The following TMPRSS11D variants were observed in gnomAD, a reference collection of about 807,000 sequenced individuals.
The protein encoded by TMPRSS11D is transmembrane serine protease 11D.
A neutral mutation model predicts 44.4 loss-of-function variants in TMPRSS11D; 32 were observed. That is an observed-to-expected ratio of 0.72 (90% CI 0.54 to 0.97). The LOEUF (loss-of-function observed/expected upper bound fraction) is 0.97, where lower values mean the gene tolerates loss of function less well. Among genes scored for constraint, TMPRSS11D ranks in the 50% least tolerant of loss-of-function variants. TMPRSS11D has a pLI of 0.00. For synonymous variants in TMPRSS11D, 179 were observed against 177.9 expected (o/e 1.01, Z -0.05); for missense variants, 446 against 502.6 (o/e 0.89, Z 1.08).
intron 2 of TMPRSS11D, 33 bp from the exon 3 acceptor site, chr4:67,854,219 A>G (rs1415664490): frequency 1.8e-6 from 2 of 1,126,938 alleles, no homozygotes; most frequent in Non-Finnish European, 2.6e-6. Flanking sequence ...GGTCAGTCTT[A>G]CTTTACTAAG....
chr4:67,849,830 A>G (rs1577817114), intron 3 of TMPRSS11D, among the ~76,000 whole-genome samples: 1 of 152,266 alleles, frequency 6.6e-6, no homozygotes, highest in Non-Finnish European at 1.5e-5. Context: ...TTAGATTTTG[A>G]GTCAAGAGAC....
At position 67,827,423 on chromosome 4, in the gene TMPRSS11D, A is replaced by G. The variant is rs1386887817; in HGVS notation, c.790T>C (p.Tyr264His). The change falls in exon 8 of 10, where the codon TAT becomes CAT. Residue 264 changes from tyrosine to histidine, a missense_variant. By Grantham distance (83) the Tyr-to-His change is moderately conservative (BLOSUM62 2). Transcript: ENST00000283916. Reference protein sequence around the residue: ...RVRNILIHNNYKSATHENDIA... With the variant: ...RVRNILIHNNHKSATHENDIA... ...TCATTTTCATGAGTTGCAGATTTATAATTGTTATGAATTAAAATATTTCTT... is the reference window on the plus strand; with the variant it reads ...TCATTTTCATGAGTTGCAGATTTATGATTGTTATGAATTAAAATATTTCTT... 6.2e-7 allele frequency: 1 copy of G among 1,613,058 alleles called. No individual in the cohort carries two copies. The highest frequency in any genetic ancestry group is 1.7e-5 in the Admixed American group (1 of 59,834).
intron 1 of TMPRSS11D, among the ~76,000 whole-genome samples, chr4:67,874,975 C>T (rs563121971): frequency 4.6e-5 from 7 of 152,250 alleles, no homozygotes; most frequent in African/African-American, 1.7e-4. Context: ...TTGAAATGTG[C>T]TTGAGTAATA....
At chr4:67,882,973 A>G (rs536659780) in intron 1 of TMPRSS11D, among the ~76,000 whole-genome samples, 9 of 152,076 alleles carry the variant, frequency 5.9e-5, no homozygotes, top group South Asian at 2.1e-4. Flanking sequence ...AAATGATTTT[A>G]TTTCTTCTAT....
At chr4:67,832,353 G>A (rs755785588) in intron 7 of TMPRSS11D, among the ~76,000 whole-genome samples, 20 of 152,116 alleles carry the variant, frequency 1.3e-4, no homozygotes, top group Non-Finnish European at 2.1e-4. Context: ...TGTGGTCTGC[G>A]ATGCCCCAGT....
At chr4:67,881,659 G>A (rs1450670363) in intron 1 of TMPRSS11D, among the ~76,000 whole-genome samples, 2 of 152,160 alleles carry the variant, frequency 1.3e-5, no homozygotes, top group Admixed American at 6.6e-5. Flanking sequence ...GCAGGATTTG[G>A]AATGCGTTTT....
At chr4:67,879,564 G>C (rs534011007) in intron 1 of TMPRSS11D, among the ~76,000 whole-genome samples, 1 of 152,024 alleles carries the variant, frequency 6.6e-6, no homozygotes. Context: ...TTGACCCATG[G>C]GATAAGCAAA....
At chr4:67,876,163 A>C (rs1379485226) in intron 1 of TMPRSS11D, among the ~76,000 whole-genome samples, 1 of 152,216 alleles carries the variant, frequency 6.6e-6, no homozygotes, top group African/African-American at 2.4e-5. Flanking sequence ...ATATATTACA[A>C]TAGTAATAAC....
At chr4:67,863,515 T>A (rs1718846460) in intron 1 of TMPRSS11D, among the ~76,000 whole-genome samples, 1 of 152,082 alleles carries the variant, frequency 6.6e-6, no homozygotes, top group South Asian at 2.1e-4. Flanking sequence ...ATATCAGTCA[T>A]GTCTTTCAAA....
In TMPRSS11D at chr4:67,838,183, G is replaced by A; in HGVS notation, c.464C>T (p.Thr155Ile). Residue 155 changes from threonine to isoleucine, a missense_variant, in exon 5 of 10, where the codon ACT becomes ATT. Physicochemically the swap from Thr to Ile is moderately conservative, Grantham distance 89 (BLOSUM62 -1). Coordinates refer to ENST00000283916, the MANE Select transcript of TMPRSS11D (RefSeq NM_004262.3). Reference sequence around the variant, plus strand: ...AAAATTATACTTACATGTTATCTCAGTTGAAGGGTTTATTTCCAGGTTTCC... The same window carrying A: ...AAAATTATACTTACATGTTATCTCAATTGAAGGGTTTATTTCCAGGTTTCC... ...NSGNLEINPS[T>I]EITSLTDQAA... 1.3e-6 allele frequency: 2 copies of A among 1,563,056 alleles called. No homozygotes were observed. Among genetic ancestry groups the A allele is most frequent in the Non-Finnish European group, 1.7e-6 (2 of 1,158,038 alleles).
In TMPRSS11D at chr4:67,838,226, G is replaced by T; in HGVS notation, c.421C>A (p.Gln141Lys). Reference protein sequence around the residue: ...MKSRIESVLRQMLNNSGNLEI... With the variant: ...MKSRIESVLRKMLNNSGNLEI... ...AGGTTTCCAGAGTTATTCAGCATTT[G>T]TCGTAAAACAGACTCAATTCTGCTT... Residue 141 changes from glutamine to lysine, a missense_variant, in exon 5 of 10, where the codon CAA (glutamine) becomes AAA (lysine). Gln to Lys is a moderately conservative substitution (Grantham distance 53). Transcript: ENST00000283916. 1 of 1,598,024 alleles carries T rather than the reference G, an allele frequency of 6.3e-7. No homozygotes were observed.
chr4:67,841,095 A>G (rs1718216428), intron 4 of TMPRSS11D, among the ~76,000 whole-genome samples: 1 of 152,216 alleles, frequency 6.6e-6, no homozygotes, highest in Non-Finnish European at 1.5e-5. Context: ...AGAAGCAGTC[A>G]TACTGGAAGA....
chr4:67,832,805 C>T lies in TMPRSS11D; in HGVS notation c.692+399G>A, dbSNP rs148001457. Among the ~76,000 whole-genome samples, 702 of 151,750 alleles carry T rather than the reference C, an allele frequency of 4.6e-3. 3 individuals carry two copies. The highest frequency in any genetic ancestry group is 7.3e-3 in the Non-Finnish European group (494 of 67,942). On this transcript the variant is annotated intron_variant, in intron 7 of 9. Coordinates refer to ENST00000283916, the MANE Select transcript of TMPRSS11D (RefSeq NM_004262.3). ...GCAAATCTTCCACAGCAATTCGTTTCGCTAACATTTAACGTATGTTTACAT... is the reference window on the plus strand; with the variant it reads ...GCAAATCTTCCACAGCAATTCGTTTTGCTAACATTTAACGTATGTTTACAT...
chr4:67,845,886 A>G (rs1410516559), intron 3 of TMPRSS11D, among the ~76,000 whole-genome samples: 2 of 152,158 alleles, frequency 1.3e-5, no homozygotes, highest in Non-Finnish European at 2.9e-5. Context: ...GGTCACATAA[A>G]GGTTGAAACA....
chr4:67,840,189 C>T (rs6552124), intron 4 of TMPRSS11D, among the ~76,000 whole-genome samples: 123,809 of 151,896 alleles, frequency 0.82, 51,023 homozygotes, highest in Middle Eastern at 0.91. Context: ...TATAAAGAAC[C>T]GCCGGAGACT....
chr4:67,844,677 G>T (rs1403474931), intron 3 of TMPRSS11D, among the ~76,000 whole-genome samples: 1 of 152,052 alleles, frequency 6.6e-6, no homozygotes, highest in East Asian at 1.9e-4. Flanking sequence ...TACTTAAGAG[G>T]CTGGGGCAGG....
chr4:67,859,316 G>A (rs1718736866), intron 2 of TMPRSS11D, among the ~76,000 whole-genome samples: 1 of 151,844 alleles, frequency 6.6e-6, no homozygotes, highest in African/African-American at 2.4e-5. Context: ...GAGTAACAAT[G>A]TTTGGTATAC....
chr4:67,870,396 C>T (rs1276516150), intron 1 of TMPRSS11D, among the ~76,000 whole-genome samples: 3 of 152,178 alleles, frequency 2.0e-5, no homozygotes, highest in African/African-American at 7.2e-5. Flanking sequence ...GGACTTTGTG[C>T]TTGCTCTTCC....
In TMPRSS11D at chr4:67,840,324, G is replaced by C. The variant is rs181507209; in HGVS notation, c.318-1995C>G. On this transcript the variant is annotated intron_variant, in intron 4 of 9. Transcript: ENST00000283916. ...TGGCAGGAAAAAGAACAGAGCAAAGGGGGGAAACGTCCCTATAATCTAATC... is the reference window on the plus strand; with the variant it reads ...TGGCAGGAAAAAGAACAGAGCAAAGCGGGGAAACGTCCCTATAATCTAATC... 5.4e-4 allele frequency among the ~76,000 whole-genome samples: 82 copies of C among 152,136 alleles called. 1 individual carries two copies. Among genetic ancestry groups the C allele is most frequent in the African/African-American group, 1.8e-3 (74 of 41,532 alleles).
Sources: allele counts gnomAD v4.1 joint callset (sites outside exome capture counted in the v4.1 genomes callset), GRCh38; gene constraint gnomAD v4.1.1; transcripts MANE v1.5; gene names NCBI Gene and HGNC (gene_info 2026-07-23, HGNC 2026-07-21).